The following GATAD1 variants were observed in gnomAD, a reference collection of about 807,000 sequenced individuals.
GATAD1 encodes the protein GATA zinc finger domain-containing protein 1.
Under a neutral mutation model 26.5 loss-of-function variants are expected in GATAD1, and 12 were observed. The ratio of observed to expected loss-of-function variants is 0.45; its 90% CI spans 0.29 to 0.73. GATAD1 has a LOEUF of 0.73. Among genes scored for constraint, GATAD1 ranks in the 30% least tolerant of loss-of-function variants. The probability of loss-of-function intolerance (pLI) is 0.10; values close to 1 mark genes in which losing one functional copy is unlikely to be tolerated. For synonymous variants in GATAD1, 129 were observed against 133.1 expected (o/e 0.97, Z 0.21); for missense variants, 266 against 342.1 (o/e 0.78, Z 1.75).
chr7:92,489,476 A>G, the GATAD1 span: 1 of 1,493,584 alleles, frequency 6.7e-7, no homozygotes, highest in South Asian at 1.2e-5. Flanking sequence ...GTAAAAAAAA[A>G]TGTGGTAGTC....
chr7:92,471,075 CG>C, the GATAD1 span: 1 of 166,886 alleles, frequency 6.0e-6, no homozygotes, highest in Non-Finnish European at 1.5e-5. Context: ...CTGTAAGCCT[CG>C]GGGAAGTCCG....
intron 3 of GATAD1, among the ~76,000 whole-genome samples, chr7:92,452,933 C>G (rs1789501678): frequency 6.6e-6 from 1 of 152,186 alleles, no homozygotes; most frequent in Non-Finnish European, 1.5e-5. Context: ...TGTGGACAAA[C>G]AAACCATAAA....
At chr7:92,489,396 G>C in the GATAD1 span, 1 of 1,612,714 alleles carries the variant, frequency 6.2e-7, no homozygotes, top group African/African-American at 1.3e-5. Flanking sequence ...GTTTTGATTG[G>C]TCCTGGTTGG....
chr7:92,493,118 A>C, the GATAD1 span: 3 of 1,597,122 alleles, frequency 1.9e-6, no homozygotes, highest in Admixed American at 1.7e-5. Context: ...TTAAAATTTC[A>C]AGACGTGACA....
chr7:92,474,043 C>T, the GATAD1 span, among the ~76,000 whole-genome samples: 3 of 152,022 alleles, frequency 2.0e-5, no homozygotes, highest in Non-Finnish European at 4.4e-5. Flanking sequence ...CCTTGTAGAC[C>T]GCACTGGAAG....
At chr7:92,489,267 C>G in the GATAD1 span, 1 of 1,602,768 alleles carries the variant, frequency 6.2e-7, no homozygotes, top group Non-Finnish European at 8.5e-7. Flanking sequence ...AGTAGCTGTA[C>G]TTCCAAAACA....
the GATAD1 span, among the ~76,000 whole-genome samples, chr7:92,481,807 A>T: frequency 8.3e-4 from 126 of 152,350 alleles, no homozygotes; most frequent in African/African-American, 2.9e-3. Context: ...AAAAGTATCC[A>T]ACCATGCCTA....
At chr7:92,467,262 G>A in the GATAD1 span, among the ~76,000 whole-genome samples, 3 of 152,060 alleles carry the variant, frequency 2.0e-5, no homozygotes, top group Middle Eastern at 3.4e-3. Flanking sequence ...AGGTTGAGCC[G>A]AGATTGCACC....
chr7:92,493,031 A>C, the GATAD1 span: 2 of 1,612,976 alleles, frequency 1.2e-6, no homozygotes, highest in Admixed American at 1.7e-5. Flanking sequence ...GATCAGCTCC[A>C]GTAAAGGAGT....
chr7:92,450,347 A>G (rs1311915179), intron 2 of GATAD1: 3 of 208,194 alleles, frequency 1.4e-5, no homozygotes, highest in Non-Finnish European at 2.9e-5. Flanking sequence ...TCATCTGTAC[A>G]TTTTCTGTTA....
chr7:92,447,504 T>G lies in GATAD1; in HGVS notation c.-226T>G. ...TCCCTTTCCCAGTCCTGCTTCCCAGTGCCTCGGGCCAGGGAATCCTGGCCT... is the reference window on the plus strand; with the variant it reads ...TCCCTTTCCCAGTCCTGCTTCCCAGGGCCTCGGGCCAGGGAATCCTGGCCT... On this transcript the variant is annotated 5_prime_UTR_variant, in exon 1 of 5. Transcript: ENST00000287957. 2.7e-6 allele frequency: 1 copy of G among 372,470 alleles called. No individual in the cohort carries two copies. The highest frequency in any genetic ancestry group is 2.1e-5 in the African/African-American group (1 of 46,734). The allele number at this position is 372,470 out of a possible 1,614,324, so 23.1% of individuals were successfully genotyped here.
chr7:92,478,145 T>C, the GATAD1 span, among the ~76,000 whole-genome samples: 3 of 152,218 alleles, frequency 2.0e-5, no homozygotes, highest in Non-Finnish European at 4.4e-5. Flanking sequence ...CCAGCTAGGC[T>C]TAGGGATTCT....
intron 2 of GATAD1, chr7:92,450,495 T>C (rs1055960576): frequency 1.9e-6 from 1 of 538,204 alleles, no homozygotes; most frequent in African/African-American, 1.9e-5. Flanking sequence ...TCTCAGCAAT[T>C]TTTAAGCTAA....
chr7:92,476,658 C>T, the GATAD1 span, among the ~76,000 whole-genome samples: 6 of 152,018 alleles, frequency 3.9e-5, no homozygotes, highest in Non-Finnish European at 8.8e-5. Context: ...TCTCTCTCCT[C>T]TCTGTCTCTC....
the GATAD1 span, chr7:92,468,565 A>G: frequency 0.05 from 22,644 of 450,830 alleles, 1,625 homozygotes; most frequent in East Asian, 0.28. Flanking sequence ...TCTTTGCCTA[A>G]TTAGCATTTT....
At chr7:92,468,948 G>A in the GATAD1 span, 2 of 763,754 alleles carry the variant, frequency 2.6e-6, no homozygotes, top group Non-Finnish European at 4.8e-6. Flanking sequence ...CTTCGATTCT[G>A]GAAGAGACAA....
chr7:92,449,238 T>C (rs77590666), intron 2 of GATAD1: 1 of 857,052 alleles, frequency 1.2e-6, no homozygotes, highest in Non-Finnish European at 1.4e-6. Flanking sequence ...CTTTTTTTTT[T>C]CATTCTTTAA....
chr7:92,475,291 G>A, the GATAD1 span: 2 of 152,044 alleles, frequency 1.3e-5, no homozygotes. Context: ...TTTGTCTTGC[G>A]GGGAACGTTT....
At chr7:92,454,371 A>G (rs969433320) in intron 3 of GATAD1, 131 bp from the exon 4 acceptor site, 1 of 704,842 alleles carries the variant, frequency 1.4e-6, no homozygotes, top group Non-Finnish European at 2.5e-6. Flanking sequence ...ACATATAAAC[A>G]CTGATACATT....
Sources: gnomAD v4.1 joint callset for allele counts (sites outside exome capture counted in the v4.1 genomes callset) on GRCh38, gnomAD v4.1.1 for gene constraint, MANE v1.5 for transcripts, NCBI Gene and HGNC (gene_info 2026-07-23, HGNC 2026-07-21) for gene names.